The following STAG1 variants were observed in gnomAD, a reference collection of about 807,000 sequenced individuals.
STAG1 encodes the protein STAG1 cohesin complex component, also known as cohesin subunit SA-1.
Under a neutral mutation model 170.9 loss-of-function variants are expected in STAG1, and 26 were observed. The ratio of observed to expected loss-of-function variants is 0.15; its 90% CI spans 0.11 to 0.21. The LOEUF is 0.21. STAG1 is among the 10% of genes least tolerant of loss of function. STAG1 has a pLI of 1.00. For missense variants in STAG1, 964 were observed against 1,509.5 expected (o/e 0.64, Z 5.99); for synonymous variants, 514 against 497.7 (o/e 1.03, Z -0.44).
chr3:136,562,535 G>GCC (rs770604187), intron 5 of STAG1, among the ~76,000 whole-genome samples: 8 of 151,654 alleles, frequency 5.3e-5, no homozygotes, highest in Non-Finnish European at 1.2e-4. Flanking sequence ...ATGCACTGCA[G>GCC]CCACCTGTCA....
At chr3:136,687,619 T>C (rs1448236002) in intron 1 of STAG1, among the ~76,000 whole-genome samples, 4 of 152,246 alleles carry the variant, frequency 2.6e-5, no homozygotes, top group African/African-American at 7.2e-5. Context: ...CATGGATAGA[T>C]GAGGGTTTTG....
chr3:136,418,010 T>A (rs760599050), intron 20 of STAG1, 38 bp from the exon 21 acceptor site: 33 of 1,486,670 alleles, frequency 2.2e-5, no homozygotes, highest in Admixed American at 2.2e-4. Context: ...TATTCTAGAA[T>A]GGAAGGAAAT....
At chr3:136,576,492 A>G (rs1937459759) in intron 4 of STAG1, among the ~76,000 whole-genome samples, 1 of 152,224 alleles carries the variant, frequency 6.6e-6, no homozygotes, top group Admixed American at 6.5e-5. Context: ...AAAAATGATG[A>G]CATTTGCTAT....
At chr3:136,465,098 T>A (rs1472077263) in intron 12 of STAG1, 110 bp from the exon 13 acceptor site, 2 of 646,756 alleles carry the variant, frequency 3.1e-6, no homozygotes, top group African/African-American at 3.7e-5. Context: ...TAATAATTGT[T>A]GTCTCATCTT....
At chr3:136,537,863 AAAC>A (rs1935714801) in intron 6 of STAG1, among the ~76,000 whole-genome samples, 1 of 150,944 alleles carries the variant, frequency 6.6e-6, no homozygotes, top group Admixed American at 6.7e-5. Flanking sequence ...AAGAAAACTG[AAAC>A]AACAAAAACC....
chr3:136,502,318 T>TG (rs34473146), intron 8 of STAG1, among the ~76,000 whole-genome samples: 25,142 of 152,182 alleles, frequency 0.17, 2,755 homozygotes, highest in Non-Finnish European at 0.24. Context: ...AATGTAGCTT[T>TG]GCTGGCTCAC....
rs751411829 is a variant in STAG1, at chr3:136,465,100, T to C, written c.1206-112A>G. ...AAAGCTCAAGACTTAATAATTGTTG[T>C]CTCATCTTTTATCTTACTTTGAAAG... On this transcript the variant is annotated intron_variant, in intron 12 of 33. Transcript: ENST00000383202. 142 of 639,176 alleles carry C rather than the reference T, an allele frequency of 2.2e-4. 1 individual carries two copies. Among genetic ancestry groups the C allele is most frequent in the Middle Eastern group, 5.4e-4 (2 of 3,676 alleles). 39.6% of individuals were successfully genotyped at this position (639,176 alleles called of 1,614,324 possible).
chr3:136,362,851 A>G (rs1015541878), intron 26 of STAG1, among the ~76,000 whole-genome samples: 1 of 151,848 alleles, frequency 6.6e-6, no homozygotes, highest in African/African-American at 2.4e-5. Flanking sequence ...CATTTATTGA[A>G]TAGTCCCAAT....
At chr3:136,434,691 T>C (rs187364331) in intron 15 of STAG1, among the ~76,000 whole-genome samples, 214 of 152,340 alleles carry the variant, frequency 1.4e-3, no homozygotes, top group Middle Eastern at 6.8e-3. Context: ...TTTTGTTTTA[T>C]GGCTTCCAGG....
intron 1 of STAG1, among the ~76,000 whole-genome samples, chr3:136,709,453 A>G (rs1325361345): frequency 1.3e-5 from 2 of 151,962 alleles, no homozygotes; most frequent in African/African-American, 2.4e-5. Context: ...TTCTCTAATC[A>G]ATGAAGGGGC....
chr3:136,736,321 G>A (rs1383345631), intron 1 of STAG1, among the ~76,000 whole-genome samples: 3 of 152,062 alleles, frequency 2.0e-5, no homozygotes, highest in Non-Finnish European at 4.4e-5. Context: ...ACCAAGCCCC[G>A]CATTTCAATG....
intron 22 of STAG1, among the ~76,000 whole-genome samples, 198 bp from the exon 23 acceptor site, chr3:136,377,950 C>CTAA (rs1210317759): frequency 6.6e-6 from 1 of 152,202 alleles, no homozygotes; most frequent in Non-Finnish European, 1.5e-5. Flanking sequence ...CACTGACACT[C>CTAA]TAAAACAGTT....
chr3:136,445,514 GA>G (rs1460789498), intron 14 of STAG1, among the ~76,000 whole-genome samples: 5 of 152,272 alleles, frequency 3.3e-5, no homozygotes, highest in Admixed American at 3.3e-4. Context: ...GGGAAGATTT[GA>G]AAAAGTTCTG....
chr3:136,640,727 C>T (rs1485387710), intron 1 of STAG1, among the ~76,000 whole-genome samples: 1 of 147,858 alleles, frequency 6.8e-6, no homozygotes, highest in African/African-American at 2.5e-5. Flanking sequence ...GGTTGGGGTA[C>T]AGTGGCGCGA....
chr3:136,629,117 GAT>G (rs1293284732), intron 2 of STAG1, among the ~76,000 whole-genome samples: 2 of 152,046 alleles, frequency 1.3e-5, no homozygotes, highest in African/African-American at 4.8e-5. Flanking sequence ...CACAAAGCAT[GAT>G]ATATTAGATA....
chr3:136,357,640 A>G, intron 28 of STAG1, 80 bp downstream of exon 28: 1 of 1,101,046 alleles, frequency 9.1e-7, no homozygotes, highest in South Asian at 1.7e-5. Flanking sequence ...AGATATCCAA[A>G]TGATTAAAAA....
At chr3:136,702,115 GAGAGAGAC>G (rs1213400411) in intron 1 of STAG1, among the ~76,000 whole-genome samples, 2,535 of 65,570 alleles carry the variant, frequency 0.039, 127 homozygotes, top group African/African-American at 0.1. Flanking sequence ...GAGAGAGAGA[GAGAGAGAC>G]AGAGAGACAG....
At chr3:136,629,217 C>G (rs1940226743) in intron 2 of STAG1, among the ~76,000 whole-genome samples, 1 of 152,096 alleles carries the variant, frequency 6.6e-6, no homozygotes, top group Non-Finnish European at 1.5e-5. Context: ...AAAGGCCTAC[C>G]TAATACCCAA....
intron 4 of STAG1, among the ~76,000 whole-genome samples, chr3:136,596,918 C>CA (rs932889117): frequency 2.6e-5 from 4 of 151,996 alleles, no homozygotes; most frequent in Non-Finnish European, 4.4e-5. Context: ...ACTAAAAATA[C>CA]AAAAAATTTA....
Sources: allele counts gnomAD v4.1 joint callset (sites outside exome capture counted in the v4.1 genomes callset), GRCh38; gene constraint gnomAD v4.1.1; transcripts MANE v1.5; gene names NCBI Gene and HGNC (gene_info 2026-07-23, HGNC 2026-07-21).